Variants in KIF20B observed in about 807,000 individuals in gnomAD.
The protein encoded by KIF20B is kinesin-like protein KIF20B.
Under a neutral mutation model 232.5 loss-of-function variants are expected in KIF20B, and 188 were observed. That is an observed-to-expected ratio of 0.81 (90% CI 0.72 to 0.91). The LOEUF (loss-of-function observed/expected upper bound fraction) is 0.91, where lower values mean the gene tolerates loss of function less well. Among genes scored for constraint, KIF20B ranks in the 40% least tolerant of loss-of-function variants. The pLI is 0.00. For missense variants in KIF20B, 2,154 were observed against 2,055.9 expected, an observed-to-expected ratio of 1.05 and a Z score of -0.92; for synonymous variants, 712 against 683.0, an observed-to-expected ratio of 1.04 and a Z score of -0.66.
chr10:89,770,307 A>C (rs1331856266), intron 31 of KIF20B, among the ~76,000 whole-genome samples: 2 of 151,986 alleles, frequency 1.3e-5, no homozygotes, highest in Non-Finnish European at 2.9e-5. Flanking sequence ...GACCTATCAG[A>C]CCCATTTGTA....
chr10:89,770,071 C>T (rs190898007), intron 31 of KIF20B, among the ~76,000 whole-genome samples: 371 of 152,156 alleles, frequency 2.4e-3, no homozygotes, highest in African/African-American at 8.2e-3. Flanking sequence ...CACTAGTAGT[C>T]TCATGCATTA....
intron 30 of KIF20B, 77 bp from the exon 31 acceptor site, chr10:89,768,661 T>C (rs1411885085): frequency 1.5e-6 from 2 of 1,353,376 alleles, no homozygotes; most frequent in African/African-American, 3.0e-5. Context: ...CTCTGGCCTC[T>C]TTAATTCAGC....
At chr10:89,720,670 G>GT (rs988834144) in intron 13 of KIF20B, among the ~76,000 whole-genome samples, 27 of 151,896 alleles carry the variant, frequency 1.8e-4, no homozygotes, top group Non-Finnish European at 2.1e-4. Flanking sequence ...TTTAACGGTT[G>GT]TTTTTTTAGC....
intron 13 of KIF20B, among the ~76,000 whole-genome samples, chr10:89,720,149 C>A (rs1450505649): frequency 6.6e-6 from 1 of 152,106 alleles, no homozygotes; most frequent in South Asian, 2.1e-4. Context: ...TTCTTTATAG[C>A]CACTTTGTTT....
At chr10:89,764,512 A>G (rs1410367303) in intron 29 of KIF20B, among the ~76,000 whole-genome samples, 1 of 152,162 alleles carries the variant, frequency 6.6e-6, no homozygotes, top group Non-Finnish European at 1.5e-5. Context: ...AGTCCCACCA[A>G]CAGTGTAAAA....
intron 11 of KIF20B, 26 bp from the exon 12 acceptor site, chr10:89,718,684 A>G (rs373213129): frequency 1.0e-4 from 165 of 1,578,842 alleles, no homozygotes; most frequent in Non-Finnish European, 1.2e-4. Flanking sequence ...TTAACTTACA[A>G]TGTTTTCTGA....
chr10:89,760,459 T>C, intron 27 of KIF20B, 67 bp from the exon 28 acceptor site: 1 of 923,094 alleles, frequency 1.1e-6, no homozygotes, highest in Non-Finnish European at 1.7e-6. Flanking sequence ...ATATTCTTTA[T>C]GTGAAGTTTT....
intron 9 of KIF20B, 121 bp downstream of exon 9, chr10:89,716,668 A>T (rs1313164922): frequency 1.1e-5 from 7 of 633,250 alleles, no homozygotes; most frequent in Non-Finnish European, 2.0e-5. Flanking sequence ...TTCATAAGGC[A>T]TAAAAAACAT....
chr10:89,762,402 ATTC>A (rs1842260140), intron 28 of KIF20B, among the ~76,000 whole-genome samples: 1 of 152,288 alleles, frequency 6.6e-6, no homozygotes, highest in Non-Finnish European at 1.5e-5. Flanking sequence ...TCTGTAAGTA[ATTC>A]TTATGATCAT....
intron 8 of KIF20B, among the ~76,000 whole-genome samples, chr10:89,715,979 A>G (rs1281574091): frequency 6.6e-6 from 1 of 151,444 alleles, no homozygotes; most frequent in Admixed American, 6.6e-5. Flanking sequence ...CAACAGAGTG[A>G]AACCTTGTCT....
chr10:89,734,352 A>G lies in KIF20B; in HGVS notation c.2545+1296A>G, dbSNP rs1004444328. On this transcript the variant is annotated intron_variant, in intron 19 of 32. Coordinates refer to ENST00000371728, the MANE Select transcript of KIF20B (RefSeq NM_001284259.2). ...CTTGAATCTGGGAGGCAAAGACTGC[A>G]GTGAGCCAAGATTGCGCCATTGCAC... Among the ~76,000 whole-genome samples the G allele has an allele frequency of 2.0e-5, 3 of 152,216 alleles. No individual in the cohort carries two copies. In the South Asian group the frequency reaches 6.2e-4, roughly 31 times the overall value.
At position 89,717,619 on chromosome 10, in the gene KIF20B, A is replaced by G. The variant is rs1307413444; in HGVS notation, c.1168A>G (p.Thr390Ala). Residue 390 changes from threonine (T) to alanine (A), a missense_variant, in exon 11 of 33, where the codon ACA becomes GCA. Transcript: ENST00000371728. ...TGCTGGTTCAGAACGAACTATGAAG[A>G]CACAGAATGAAGGTGAAAGGTTAAG... The part of the protein sequence containing the change: ...DLAGSERTMK[T>A]QNEGERLRET... The G allele has an allele frequency of 6.2e-7, 1 of 1,611,896 alleles. No individual in the cohort carries two copies. Among genetic ancestry groups the G allele is most frequent in the Non-Finnish European group, 8.5e-7 (1 of 1,178,802 alleles).
At chr10:89,715,991 C>CAAA (rs200964511) in intron 8 of KIF20B, among the ~76,000 whole-genome samples, 9 of 113,338 alleles carry the variant, frequency 7.9e-5, no homozygotes, top group African/African-American at 3.1e-4. Flanking sequence ...ACCTTGTCTC[C>CAAA]AAAATAAATA....
chr10:89,726,307 T>C lies in KIF20B; in HGVS notation c.2016T>C (p.Tyr672=), dbSNP rs199671628. ...TKVETEETHN[Y]VGFEDIIDSL... is the part of the protein sequence containing the mutation. ...GCTATTTTTAGGAAACACATAATTATGTAGGATTTGAAGATATTATTGATT... is the reference window on the plus strand; with the variant it reads ...GCTATTTTTAGGAAACACATAATTACGTAGGATTTGAAGATATTATTGATT... The change falls in exon 16 of 33, where the codon TAT becomes TAC. Residue 672 remains tyrosine, a synonymous_variant. Transcript: ENST00000371728. The C allele has an allele frequency of 5.6e-4, 860 of 1,547,844 alleles. 1 individual carries two copies. Among genetic ancestry groups the C allele is most frequent in the Non-Finnish European group, 7.1e-4 (810 of 1,145,646 alleles).
At chr10:89,731,508 ATCTTG>A (rs763513122) in intron 18 of KIF20B, among the ~76,000 whole-genome samples, 78 of 152,312 alleles carry the variant, frequency 5.1e-4, no homozygotes, top group Non-Finnish European at 9.3e-4. Flanking sequence ...ACTGTTCCAC[ATCTTG>A]TCTTGAGCGC....
intron 6 of KIF20B, among the ~76,000 whole-genome samples, chr10:89,712,151 T>A (rs189081302): frequency 6.6e-6 from 1 of 152,110 alleles, no homozygotes; most frequent in Non-Finnish European, 1.5e-5. Context: ...AAAATGTATT[T>A]AAAAAAATGA....
Position 89,714,493 on chromosome 10 carries a change from CT to C in KIF20B, c.712+412del, listed in dbSNP as rs568702300. Reference sequence around the variant, plus strand: ...CTGTCTCAAAAAAAAAAATTTTCACCTTGTATTTATTTATTTTTTTTCTATA... The same window carrying C: ...CTGTCTCAAAAAAAAAAATTTTCACCTGTATTTATTTATTTTTTTTCTATA... On this transcript the variant is annotated intron_variant, in intron 7 of 32. Coordinates refer to ENST00000371728, the MANE Select transcript of KIF20B (RefSeq NM_001284259.2). Among the ~76,000 whole-genome samples the C allele has an allele frequency of 8.9e-4, 136 of 152,014 alleles. 1 individual carries two copies. Among genetic ancestry groups the C allele is most frequent in the Non-Finnish European group, 1.1e-3 (75 of 67,960 alleles).
At chr10:89,728,836 C>T (rs1359148529) in intron 17 of KIF20B, among the ~76,000 whole-genome samples, 1 of 151,860 alleles carries the variant, frequency 6.6e-6, no homozygotes, top group South Asian at 2.1e-4. Context: ...AAAGGGATAG[C>T]AGCTAGGATT....
Position 89,737,622 on chromosome 10 carries a change from A to G in KIF20B, c.2781A>G (p.Leu927=), listed in dbSNP as rs568337436. 2.6e-5 allele frequency: 41 copies of G among 1,606,090 alleles called. No homozygotes were observed. The highest frequency in any genetic ancestry group is 3.2e-5 in the Non-Finnish European group (38 of 1,175,796). ...TTTCTCTTTCTGAAAAAAAGAATTT[A>G]ACTTTAAGTAAAGAGGTCCAACAAA... ...QELSLSEKKN[L]TLSKEVQQIQ... is the part of the protein sequence containing the mutation. Residue 927 remains leucine, a synonymous_variant, in exon 20 of 33, where the codon TTA becomes TTG. Coordinates refer to ENST00000371728, the MANE Select transcript of KIF20B (RefSeq NM_001284259.2).
Sources: gnomAD v4.1 joint callset for allele counts (sites outside exome capture counted in the v4.1 genomes callset) on GRCh38, gnomAD v4.1.1 for gene constraint, MANE v1.5 for transcripts, NCBI Gene and HGNC (gene_info 2026-07-23, HGNC 2026-07-21) for gene names.